RUNX1: variants seen among roughly 807,000 people sequenced by gnomAD.
The protein encoded by RUNX1 is runt-related transcription factor 1.
A neutral mutation model predicts 42.8 loss-of-function variants in RUNX1; 19 were observed. The ratio of observed to expected loss-of-function variants is 0.44; its 90% CI spans 0.31 to 0.65. The LOEUF (loss-of-function observed/expected upper bound fraction) is 0.65. Ranked by LOEUF, RUNX1 falls within the 30% of genes least tolerant of loss-of-function variation. RUNX1 has a pLI of 0.07. For missense variants in RUNX1, 528 were observed against 672.0 expected (o/e 0.79, Z 2.37); for synonymous variants, 271 against 289.4 (o/e 0.94, Z 0.64).
At chr21:35,023,212 G>A (rs2059212277) in intron 2 of RUNX1, among the ~76,000 whole-genome samples, 1 of 152,102 alleles carries the variant, frequency 6.6e-6, no homozygotes, top group Non-Finnish European at 1.5e-5. Context: ...CCAAAGTGCT[G>A]GGATTACAGG....
intron 8 of RUNX1, among the ~76,000 whole-genome samples, chr21:34,796,741 A>G (rs2056533484): frequency 6.6e-6 from 1 of 152,210 alleles, no homozygotes; most frequent in Non-Finnish European, 1.5e-5. Context: ...GAGCTTTTGC[A>G]TGACTCAGAT....
At chr21:34,980,286 C>T (rs1409385625) in intron 2 of RUNX1, among the ~76,000 whole-genome samples, 1 of 152,158 alleles carries the variant, frequency 6.6e-6, no homozygotes, top group African/African-American at 2.4e-5. Context: ...AAAAATCACA[C>T]CAAGGAAGAG....
intron 2 of RUNX1, among the ~76,000 whole-genome samples, chr21:35,029,464 A>C (rs987513742): frequency 6.6e-6 from 1 of 152,152 alleles, no homozygotes; most frequent in East Asian, 1.9e-4. Context: ...TTGGCTTCTA[A>C]GGCATTGGGC....
In RUNX1 at chr21:34,982,063, G is replaced by C. The variant is rs909572831; in HGVS notation, c.58+66779C>G. Among the ~76,000 whole-genome samples, 3 of 152,308 alleles carry C rather than the reference G, an allele frequency of 2.0e-5. No homozygotes were observed. The East Asian group carries it at 5.8e-4, about 29-fold the overall frequency. On this transcript the variant is annotated intron_variant, in intron 2 of 8. Transcript: ENST00000675419. Reference sequence around the variant, plus strand: ...TCGTTAGTACATGCCAATGCTGGAGGAGCCGTACAGACAGAAGGCACTTCA... The same window carrying C: ...TCGTTAGTACATGCCAATGCTGGAGCAGCCGTACAGACAGAAGGCACTTCA...
chr21:34,812,334 G>A (rs963120648), intron 7 of RUNX1, among the ~76,000 whole-genome samples: 5 of 152,204 alleles, frequency 3.3e-5, no homozygotes, highest in Non-Finnish European at 7.3e-5. Flanking sequence ...TGACCTTGAT[G>A]TGAACTAATT....
At chr21:34,902,498 T>C (rs1366861060) in intron 2 of RUNX1, among the ~76,000 whole-genome samples, 1 of 152,296 alleles carries the variant, frequency 6.6e-6, no homozygotes, top group Non-Finnish European at 1.5e-5. Flanking sequence ...AAGACATAAA[T>C]ACATATATAT....
intron 2 of RUNX1, among the ~76,000 whole-genome samples, chr21:34,953,325 G>A (rs540570488): frequency 1.3e-5 from 2 of 152,258 alleles, no homozygotes; most frequent in East Asian, 3.9e-4. Flanking sequence ...GCTTAGGTAA[G>A]AGATGTCATT....
At chr21:34,999,595 G>A (rs2059024560) in intron 2 of RUNX1, among the ~76,000 whole-genome samples, 1 of 152,158 alleles carries the variant, frequency 6.6e-6, no homozygotes, top group Non-Finnish European at 1.5e-5. Flanking sequence ...GAACTCCCTG[G>A]AAGAGAGTAT....
intron 5 of RUNX1, among the ~76,000 whole-genome samples, chr21:34,864,010 A>G (rs1283251947): frequency 6.6e-6 from 1 of 152,176 alleles, no homozygotes; most frequent in Non-Finnish European, 1.5e-5. Flanking sequence ...ATTTTTCCAC[A>G]GCACGAAAAC....
Position 34,913,010 on chromosome 21 carries a change from C to T in RUNX1, c.59-20047G>A, listed in dbSNP as rs139583684. ...CTTTGGGAGGCTGAGGCAGGTGGAT[C>T]ACTTGAGGTCAGGAGTTTAAAACCA... On this transcript the variant is annotated intron_variant, in intron 2 of 8. Coordinates refer to ENST00000675419, the MANE Select transcript of RUNX1 (RefSeq NM_001754.5). Among the ~76,000 whole-genome samples, 1,032 of 152,216 alleles carry T rather than the reference C, an allele frequency of 6.8e-3. 8 individuals carry two copies. The highest frequency in any genetic ancestry group is 0.023 in the African/African-American group (973 of 41,516).
intron 7 of RUNX1, among the ~76,000 whole-genome samples, chr21:34,819,719 T>A (rs965406916): frequency 1.3e-5 from 2 of 152,222 alleles, no homozygotes; most frequent in African/African-American, 4.8e-5. Context: ...AGTTTGGCAG[T>A]GGCATCCTGA....
intron 2 of RUNX1, among the ~76,000 whole-genome samples, chr21:34,964,088 T>C (rs1255040366): frequency 6.6e-6 from 1 of 152,078 alleles, no homozygotes; most frequent in Non-Finnish European, 1.5e-5. Flanking sequence ...CTAGCCCAGT[T>C]GGGGGATACG....
intron 2 of RUNX1, among the ~76,000 whole-genome samples, chr21:35,013,090 G>A (rs1159574098): frequency 6.6e-6 from 1 of 152,170 alleles, no homozygotes; most frequent in East Asian, 1.9e-4. Context: ...CAACGTGAAC[G>A]TCCATGTTAT....
intron 2 of RUNX1, among the ~76,000 whole-genome samples, chr21:34,936,278 TA>T (rs948272145): frequency 4.0e-5 from 6 of 151,480 alleles, no homozygotes; most frequent in Admixed American, 2.0e-4. Flanking sequence ...CCCTCTTTTT[TA>T]AAAAAAAATA....
At chr21:34,912,739 C>T (rs1447022203) in intron 2 of RUNX1, among the ~76,000 whole-genome samples, 2 of 152,210 alleles carry the variant, frequency 1.3e-5, no homozygotes, top group Non-Finnish European at 2.9e-5. Flanking sequence ...AACTCCGGAT[C>T]AGTCACGTAA....
intron 2 of RUNX1, among the ~76,000 whole-genome samples, chr21:34,973,450 TG>T (rs1245210773): frequency 6.6e-6 from 1 of 152,224 alleles, no homozygotes; most frequent in Non-Finnish European, 1.5e-5. Flanking sequence ...GGGAAATTTT[TG>T]TATGTGAATT....
chr21:34,951,628 G>T (rs1380462431), intron 2 of RUNX1, among the ~76,000 whole-genome samples: 1 of 152,140 alleles, frequency 6.6e-6, no homozygotes, highest in East Asian at 1.9e-4. Context: ...ATGAAAAAAT[G>T]CTCATCATCA....
At chr21:34,813,092 C>T (rs534991505) in intron 7 of RUNX1, among the ~76,000 whole-genome samples, 31 of 152,194 alleles carry the variant, frequency 2.0e-4, no homozygotes, top group African/African-American at 4.1e-4. Context: ...GATCATCAAA[C>T]GGGTGATTTC....
chr21:34,967,079 C>T (rs937767187), intron 2 of RUNX1, among the ~76,000 whole-genome samples: 1 of 151,702 alleles, frequency 6.6e-6, no homozygotes, highest in African/African-American at 2.4e-5. Context: ...AGGCCGGGCG[C>T]GGCGGCCAAG....
Sources: gnomAD v4.1 joint callset for allele counts (sites outside exome capture counted in the v4.1 genomes callset) on GRCh38, gnomAD v4.1.1 for gene constraint, MANE v1.5 for transcripts, NCBI Gene and HGNC (gene_info 2026-07-23, HGNC 2026-07-21) for gene names.